Variants in ERCC8 observed in about 807,000 individuals in gnomAD.
ERCC8 encodes the protein DNA excision repair protein ERCC-8.
A neutral mutation model predicts 54.9 loss-of-function variants in ERCC8; 52 were observed. The ratio of observed to expected loss-of-function variants is 0.95; its 90% CI spans 0.76 to 1.19. The LOEUF (loss-of-function observed/expected upper bound fraction) is 1.19. ERCC8 is among the 50% of genes most tolerant of loss of function. The pLI is 0.00. For synonymous variants in ERCC8, 146 were observed against 157.2 expected (o/e 0.93, Z 0.53); for missense variants, 514 against 466.1 (o/e 1.10, Z -0.95).
chr5:60,922,177 T>C, intron 2 of ERCC8, 22 bp from the exon 3 acceptor site: 1 of 1,455,092 alleles, frequency 6.9e-7, no homozygotes, highest in Non-Finnish European at 9.6e-7. Context: ...AAAGTTCACA[T>C]TAATTTATCA....
intron 10 of ERCC8, among the ~76,000 whole-genome samples, chr5:60,888,420 G>C (rs2112473217): frequency 6.6e-6 from 1 of 152,206 alleles, no homozygotes; most frequent in East Asian, 1.9e-4. Flanking sequence ...CAGTGCCCTT[G>C]AGTAATTTTA....
At chr5:60,935,140 C>T (rs974887651) in intron 1 of ERCC8, among the ~76,000 whole-genome samples, 7 of 152,122 alleles carry the variant, frequency 4.6e-5, no homozygotes, top group Admixed American at 1.3e-4. Context: ...TGGTTATTTT[C>T]GCAATATTGA....
chr5:60,870,952 G>C lies in ERCC8; in HGVS notation c.*3663C>G, dbSNP rs191111540. Among the ~76,000 whole-genome samples, 5 of 151,934 alleles carry C rather than the reference G, an allele frequency of 3.3e-5. No homozygotes were observed. Among genetic ancestry groups the C allele is most frequent in the African/African-American group, 1.2e-4 (5 of 41,378 alleles). On this transcript the variant is annotated 3_prime_UTR_variant, in exon 12 of 12. Coordinates refer to ENST00000676185, the MANE Select transcript of ERCC8 (RefSeq NM_000082.4). ...CAGTTTACAAGCTTCCAGCTGTAACGAATGAATTCCCTACAAAGGGAAAAA... is the reference window on the plus strand; with the variant it reads ...CAGTTTACAAGCTTCCAGCTGTAACCAATGAATTCCCTACAAAGGGAAAAA...
chr5:60,935,987 G>A (rs972159346), intron 1 of ERCC8, among the ~76,000 whole-genome samples: 2 of 152,142 alleles, frequency 1.3e-5, no homozygotes, highest in Non-Finnish European at 2.9e-5. Context: ...AGGGATGTTG[G>A]TCTGCGGTTG....
intron 1 of ERCC8, among the ~76,000 whole-genome samples, chr5:60,942,673 C>G (rs146860724): frequency 6.6e-6 from 1 of 152,028 alleles, no homozygotes; most frequent in Non-Finnish European, 1.5e-5. Flanking sequence ...TTATAAATGA[C>G]CGTCAAAAAT....
In ERCC8 at chr5:60,879,353, G is replaced by A. The variant is rs1014137324; in HGVS notation, c.1123-4670C>T. ...AAAAGAATGTATACTCTGTTGATTT[G>A]GGGTGGAGAGTTCTGTAGATGTCTA... On this transcript the variant is annotated intron_variant, in intron 11 of 11. Transcript: ENST00000676185. Among the ~76,000 whole-genome samples, 42 of 152,214 alleles carry A rather than the reference G, an allele frequency of 2.8e-4. 1 individual carries two copies. Among genetic ancestry groups the A allele is most frequent in the Non-Finnish European group, 2.9e-5 (2 of 68,028 alleles).
At chr5:60,891,214 A>G (rs1748539403) in intron 9 of ERCC8, 128 bp from the exon 10 acceptor site, 10 of 664,620 alleles carry the variant, frequency 1.5e-5, no homozygotes, top group East Asian at 1.4e-4. Context: ...AAAATATTCA[A>G]CGTTGACAGA....
At chr5:60,895,278 G>A (rs1277416472) in intron 9 of ERCC8, among the ~76,000 whole-genome samples, 2 of 151,700 alleles carry the variant, frequency 1.3e-5, no homozygotes, top group Non-Finnish European at 2.9e-5. Context: ...AGGTCAAAAT[G>A]GATACATGCT....
At chr5:60,916,144 GA>G (rs1561509512) in intron 4 of ERCC8, among the ~76,000 whole-genome samples, 1 of 151,930 alleles carries the variant, frequency 6.6e-6, no homozygotes, top group Non-Finnish European at 1.5e-5. Context: ...ATATCTCAAA[GA>G]AAAAACCAGT....
At chr5:60,905,656 A>G (rs1749050099) in intron 4 of ERCC8, among the ~76,000 whole-genome samples, 1 of 152,246 alleles carries the variant, frequency 6.6e-6, no homozygotes, top group African/African-American at 2.4e-5. Flanking sequence ...AAGCAGTCAT[A>G]GACAACAAAT....
At chr5:60,893,632 TC>T (rs1748634196) in intron 9 of ERCC8, 6 of 576,850 alleles carry the variant, frequency 1.0e-5, no homozygotes, top group African/African-American at 1.9e-5. Flanking sequence ...TTCCTATACT[TC>T]CGGCGGGGAT....
chr5:60,911,758 A>C (rs956809021), intron 4 of ERCC8, among the ~76,000 whole-genome samples: 3 of 67,508 alleles, frequency 4.4e-5, no homozygotes, highest in East Asian at 5.5e-4. Flanking sequence ...ATCTTGAATT[A>C]ATTTTTGTAT....
At chr5:60,892,803 A>G in intron 9 of ERCC8, 1 of 680,396 alleles carries the variant, frequency 1.5e-6, no homozygotes, top group Admixed American at 2.2e-5. Context: ...CTCCTGCATG[A>G]ATTTCGTGAC....
At chr5:60,937,999 A>C (rs1750118119) in intron 1 of ERCC8, among the ~76,000 whole-genome samples, 1 of 146,350 alleles carries the variant, frequency 6.8e-6, no homozygotes, top group Non-Finnish European at 1.5e-5. Flanking sequence ...CAATGAGTTA[A>C]TATGTATGCG....
chr5:60,937,561 C>G (rs1365108967), intron 1 of ERCC8, among the ~76,000 whole-genome samples: 1 of 152,166 alleles, frequency 6.6e-6, no homozygotes, highest in Admixed American at 6.5e-5. Flanking sequence ...TCACACAGGT[C>G]ACCAAGGAAG....
chr5:60,911,520 A>G (rs952976321), intron 4 of ERCC8, among the ~76,000 whole-genome samples: 8 of 151,302 alleles, frequency 5.3e-5, no homozygotes, highest in Non-Finnish European at 1.0e-4. Context: ...GATTGCAAAA[A>G]TTTTCTCCCA....
chr5:60,915,975 C>T (rs912637684), intron 4 of ERCC8, among the ~76,000 whole-genome samples: 1 of 151,934 alleles, frequency 6.6e-6, no homozygotes, highest in Non-Finnish European at 1.5e-5. Flanking sequence ...CCTCTAGGTG[C>T]CCTAAGAGCC....
Position 60,870,298 on chromosome 5 carries a change from A to G in ERCC8, c.*4317T>C, listed in dbSNP as rs138603460. On this transcript the variant is annotated 3_prime_UTR_variant, in exon 12 of 12. Transcript: ENST00000676185. ...CAACTACAGTTCTAAGAATTGAAACAAAACAAAACAAAAAGGGCAAGGAGA... is the reference window on the plus strand; with the variant it reads ...CAACTACAGTTCTAAGAATTGAAACGAAACAAAACAAAAAGGGCAAGGAGA... Among the ~76,000 whole-genome samples the G allele has an allele frequency of 1.3e-3, 205 of 152,050 alleles. 1 individual carries two copies. The highest frequency in any genetic ancestry group is 4.8e-3 in the African/African-American group (198 of 41,478).
intron 10 of ERCC8, among the ~76,000 whole-genome samples, chr5:60,888,632 G>A (rs934147474): frequency 3.3e-5 from 5 of 152,198 alleles, no homozygotes; most frequent in African/African-American, 1.2e-4. Flanking sequence ...ATTAAGCCTT[G>A]AAGTATCTGT....
Sources: gnomAD v4.1 joint callset for allele counts (sites outside exome capture counted in the v4.1 genomes callset) on GRCh38, gnomAD v4.1.1 for gene constraint, MANE v1.5 for transcripts, NCBI Gene and HGNC (gene_info 2026-07-23, HGNC 2026-07-21) for gene names.